Variants in ZIM2 observed in about 807,000 individuals in gnomAD.
ZIM2 encodes zinc finger imprinted 2.
A neutral mutation model predicts 38.6 loss-of-function variants in ZIM2; 14 were observed. The observed-to-expected ratio is 0.36, with a 90% CI of 0.24 to 0.57. The LOEUF (loss-of-function observed/expected upper bound fraction) is 0.57, where lower values mean the gene tolerates loss of function less well. Among genes scored for constraint, ZIM2 ranks in the 20% least tolerant of loss-of-function variants. The probability of loss-of-function intolerance (pLI) is 0.81; values close to 1 mark genes in which losing one functional copy is unlikely to be tolerated. For missense variants in ZIM2, 680 were observed against 695.1 expected, an observed-to-expected ratio of 0.98 and a Z score of 0.24; for synonymous variants, 247 against 245.8, an observed-to-expected ratio of 1.00 and a Z score of -0.04.
At chr19:56,830,883 T>C (rs1028614624) in intron 2 of ZIM2, among the ~76,000 whole-genome samples, 2 of 151,858 alleles carry the variant, frequency 1.3e-5, no homozygotes. Flanking sequence ...GCTAAGATCA[T>C]GCCCCTGCAT....
At chr19:56,787,892 T>C (rs1600737681) in intron 10 of ZIM2, among the ~76,000 whole-genome samples, 1 of 152,038 alleles carries the variant, frequency 6.6e-6, no homozygotes, top group Non-Finnish European at 1.5e-5. Context: ...GTTTATAGTA[T>C]TCTCTCATGG....
chr19:56,812,504 A>C, intron 9 of ZIM2: 1 of 985,554 alleles, frequency 1.0e-6, no homozygotes, highest in Non-Finnish European at 1.2e-6. Flanking sequence ...AGAAAGATCT[A>C]AGGATACTAG....
intron 9 of ZIM2, chr19:56,798,628 A>G (rs557055639): frequency 3.9e-5 from 6 of 152,350 alleles, no homozygotes; most frequent in African/African-American, 1.4e-4. Context: ...TAATTAAACT[A>G]AAGAGCTTCT....
chr19:56,823,749 G>A (rs564297166), intron 4 of ZIM2, 70 bp from the exon 5 acceptor site: 10 of 1,539,264 alleles, frequency 6.5e-6, no homozygotes, highest in African/African-American at 2.7e-5. Context: ...CCCAATCCCT[G>A]AGCCGCATCT....
chr19:56,816,846 A>G (rs1417573578), intron 9 of ZIM2: 3 of 1,614,136 alleles, frequency 1.9e-6, no homozygotes, highest in East Asian at 4.5e-5. Context: ...TACATTCCAC[A>G]AGATAACCTC....
At chr19:56,826,912 A>G (rs1288314546) in intron 2 of ZIM2, among the ~76,000 whole-genome samples, 1 of 152,226 alleles carries the variant, frequency 6.6e-6, no homozygotes, top group African/African-American at 2.4e-5. Flanking sequence ...TCCCTAACAG[A>G]CATGAATTGA....
chr19:56,783,681 G>C (rs1418356445), intron 10 of ZIM2, among the ~76,000 whole-genome samples: 8 of 152,194 alleles, frequency 5.3e-5, no homozygotes, highest in African/African-American at 1.7e-4. Flanking sequence ...AGAGGAGGCA[G>C]GGAGGGAGGA....
At chr19:56,831,276 T>C (rs534955446) in intron 2 of ZIM2, among the ~76,000 whole-genome samples, 42 of 152,354 alleles carry the variant, frequency 2.8e-4, no homozygotes, top group Non-Finnish European at 3.5e-4. Context: ...TAAAAGTCTA[T>C]AGACACATGG....
In ZIM2 at chr19:56,811,509, CTTG is replaced by C. The variant is rs374631594; in HGVS notation, c.490+6234_490+6236del. The C allele has an allele frequency of 4.8e-4, 472 of 984,004 alleles. 1 individual carries two copies. The African/African-American group carries it at 7.6e-3, about 16-fold the overall frequency. The allele number at this position is 984,004 out of a possible 1,614,324, so 61.0% of individuals were successfully genotyped here. ...ACAGATAGGTTTAAACAATCATTCT[CTTG>C]TTTACCATTTGTTACTACCTTTTCA... is the stretch of plus-strand genomic sequence containing the variant. On this transcript the variant is annotated intron_variant, in intron 9 of 12. Transcript: ENST00000629319.
intron 2 of ZIM2, among the ~76,000 whole-genome samples, chr19:56,828,175 G>A (rs547338418): frequency 1.3e-5 from 2 of 152,198 alleles, no homozygotes; most frequent in South Asian, 2.1e-4. Flanking sequence ...GGCTCTCCCC[G>A]CATCGCCTCC....
At chr19:56,799,622 A>C (rs2047408245) in intron 9 of ZIM2, 1 of 152,140 alleles carries the variant, frequency 6.6e-6, no homozygotes, top group Admixed American at 6.6e-5. Flanking sequence ...GTTGGAAATA[A>C]AAAAAACCCT....
At chr19:56,798,150 A>T (rs1309500462) in intron 9 of ZIM2, 2 of 152,184 alleles carry the variant, frequency 1.3e-5, no homozygotes, top group East Asian at 3.9e-4. Context: ...CTTTACCCAA[A>T]ATTTTGGTCC....
chr19:56,815,303 T>C, intron 9 of ZIM2: 1 of 1,614,266 alleles, frequency 6.2e-7, no homozygotes, highest in South Asian at 1.1e-5. Context: ...TGGTTTGTGT[T>C]GAGGTCTTCG....
At chr19:56,838,698 T>C (rs2062522475) in intron 1 of ZIM2, among the ~76,000 whole-genome samples, 1 of 152,190 alleles carries the variant, frequency 6.6e-6, no homozygotes, top group South Asian at 2.1e-4. Flanking sequence ...AGGCAAACTC[T>C]TTAGGCACGT....
chr19:56,833,480 G>A, intron 2 of ZIM2: 1 of 277,654 alleles, frequency 3.6e-6, no homozygotes, highest in Admixed American at 4.9e-5. Flanking sequence ...TCCCAGCCCA[G>A]GCCTACGTCA....
rs2045936422 is a variant in ZIM2 at position 56,775,186 on chromosome 19, A to G, written c.1179T>C (p.Ala393=). 2.5e-6 allele frequency: 4 copies of G among 1,614,040 alleles called. No homozygotes were observed. The African/African-American group carries it at 4.0e-5, about 16-fold the overall frequency. ...GGTGTGGCATGAGATAGAAGGCTTCAGCACACTGTTTACATTCATAGGGTT... is the reference window on the plus strand; with the variant it reads ...GGTGTGGCATGAGATAGAAGGCTTCGGCACACTGTTTACATTCATAGGGTT... ...GKKPYECKQC[A]EAFYLMPHLN... Residue 393 remains alanine, a synonymous_variant, in exon 13 of 13, where the codon GCT becomes GCC. Transcript: ENST00000629319.
chr19:56,826,216 A>G (rs941680688), intron 3 of ZIM2, among the ~76,000 whole-genome samples, 172 bp downstream of exon 3: 5 of 152,166 alleles, frequency 3.3e-5, no homozygotes, highest in African/African-American at 1.2e-4. Context: ...AGACATGGTC[A>G]CTCTAACCCA....
At chr19:56,808,466 T>A (rs1195808173) in intron 9 of ZIM2, among the ~76,000 whole-genome samples, 1 of 152,146 alleles carries the variant, frequency 6.6e-6, no homozygotes, top group Non-Finnish European at 1.5e-5. Flanking sequence ...AAGTCCAGAA[T>A]GAATCTCTAT....
rs763332875 is a variant in ZIM2, at chr19:56,815,093, C to T, written c.490+2653G>A. 136 of 1,613,622 alleles carry T rather than the reference C, an allele frequency of 8.4e-5. No individual in the cohort carries two copies. Among genetic ancestry groups the T allele is most frequent in the Non-Finnish European group, 1.1e-4 (134 of 1,179,734 alleles). On this transcript the variant is annotated intron_variant, in intron 9 of 12. Transcript: ENST00000629319. ...TGGTCTGTGAGGTCTGTGAGATCCA[C>T]AAAGCCCAGGCCACAGTCCTCACAT... is the stretch of plus-strand genomic sequence containing the variant.
Sources: allele counts gnomAD v4.1 joint callset (sites outside exome capture counted in the v4.1 genomes callset), GRCh38; gene constraint gnomAD v4.1.1; transcripts MANE v1.5; gene names NCBI Gene and HGNC (gene_info 2026-07-23, HGNC 2026-07-21).